The following NUP93 variants were observed in gnomAD, a reference collection of about 807,000 sequenced individuals.
NUP93 encodes nuclear pore complex protein Nup93.
A neutral mutation model predicts 107.8 loss-of-function variants in NUP93; 55 were observed. The observed-to-expected ratio is 0.51, with a 90% confidence interval of 0.41 to 0.64. The LOEUF is 0.64. Among genes scored for constraint, NUP93 ranks in the 30% least tolerant of loss-of-function variants. The pLI, the probability that NUP93 is intolerant of heterozygous loss-of-function variation, is 0.00. For synonymous variants in NUP93, 390 were observed against 397.5 expected, an observed-to-expected ratio of 0.98 and a Z score of 0.22; for missense variants, 937 against 1,044.7, an observed-to-expected ratio of 0.90 and a Z score of 1.42.
chr16:56,799,353 A>G (rs1962971428), intron 4 of NUP93, among the ~76,000 whole-genome samples: 1 of 152,246 alleles, frequency 6.6e-6, no homozygotes, highest in South Asian at 2.1e-4. Context: ...TATATGTGCA[A>G]CAATATTCTG....
At chr16:56,810,788 C>A (rs559880975) in intron 5 of NUP93, among the ~76,000 whole-genome samples, 1 of 102,250 alleles carries the variant, frequency 9.8e-6, no homozygotes, top group Non-Finnish European at 2.4e-5. Context: ...CAGAAATCCT[C>A]TTTGTGGTCC....
chr16:56,802,575 C>T (rs1294546107), intron 4 of NUP93, among the ~76,000 whole-genome samples: 1 of 34,186 alleles, frequency 2.9e-5, no homozygotes, highest in Admixed American at 4.0e-4. Context: ...CAACCTTCTT[C>T]CTAATCACGT....
At chr16:56,844,413 C>A (rs9938339) in intron 21 of NUP93, 86 bp from the exon 22 acceptor site, 2 of 736,138 alleles carry the variant, frequency 2.7e-6, no homozygotes, top group African/African-American at 1.8e-5. Context: ...GATGGAAGAA[C>A]ATGGAATAGA....
At chr16:56,792,866 C>G (rs1267334863) in intron 3 of NUP93, among the ~76,000 whole-genome samples, 4 of 152,158 alleles carry the variant, frequency 2.6e-5, no homozygotes, top group African/African-American at 9.7e-5. Context: ...GAGGTTTACT[C>G]TTCCCTAAGT....
chr16:56,740,695 A>C (rs1196308342), intron 1 of NUP93: 9 of 193,988 alleles, frequency 4.6e-5, no homozygotes, highest in Non-Finnish European at 1.1e-5. Flanking sequence ...TGTAGGTTGT[A>C]GTGAGCCGAG....
rs760589016 is a variant in NUP93 at position 56,849,101 on chromosome 16, A to G, written c.*4492A>G. The G allele has an allele frequency of 6.6e-6, 1 of 152,264 alleles. No individual in the cohort carries two copies. The highest frequency in any genetic ancestry group is 3.2e-3 in the Middle Eastern group (1 of 316). 9.4% of individuals were successfully genotyped at this position (152,264 alleles called of 1,614,324 possible). A position where few individuals can be genotyped will look rare whatever the true frequency, so the allele number is the denominator to read the frequency against. On this transcript the variant is annotated 3_prime_UTR_variant, in exon 22 of 22. Transcript: ENST00000308159. Reference sequence around the variant, plus strand: ...GTCCTCCTGTGCCAGGCTCCTCCCCACATCCTCTGGATCAGCTCCACGTGC... The same window carrying G: ...GTCCTCCTGTGCCAGGCTCCTCCCCGCATCCTCTGGATCAGCTCCACGTGC...
At chr16:56,788,146 A>C (rs1030058809) in intron 3 of NUP93, among the ~76,000 whole-genome samples, 2 of 152,138 alleles carry the variant, frequency 1.3e-5, no homozygotes, top group Non-Finnish European at 2.9e-5. Flanking sequence ...CAGCAGTCTG[A>C]CAGCAGTTGC....
At position 56,849,196 on chromosome 16, in the gene NUP93, G is replaced by A. The variant is rs1173184682; in HGVS notation, c.*4587G>A. The A allele has an allele frequency of 2.0e-5, 3 of 152,222 alleles. No homozygotes were observed. The highest frequency in any genetic ancestry group is 4.8e-5 in the African/African-American group (2 of 41,448). 9.4% of individuals were successfully genotyped at this position (152,222 alleles called of 1,614,324 possible). On this transcript the variant is annotated 3_prime_UTR_variant, in exon 22 of 22. Coordinates refer to ENST00000308159, the MANE Select transcript of NUP93 (RefSeq NM_014669.5). ...ATTCAGTCTGAAAGAAGGTGGAGGA[G>A]AATAATGTCTCCCAGGATCAAATGA... is the stretch of plus-strand genomic sequence containing the variant.
At chr16:56,834,860 A>C in intron 16 of NUP93, 82 bp downstream of exon 16, 1 of 1,156,886 alleles carries the variant, frequency 8.6e-7, no homozygotes, top group Admixed American at 2.0e-5. Flanking sequence ...AGATTTTAAG[A>C]TTCAAGGTAC....
chr16:56,841,644 A>G, intron 20 of NUP93, 61 bp from the exon 21 acceptor site: 2 of 1,594,212 alleles, frequency 1.3e-6, no homozygotes, highest in African/African-American at 1.3e-5. Context: ...CCCTCCCTCC[A>G]TCTGTGGTTG....
chr16:56,830,855 A>G (rs906292720), intron 10 of NUP93, among the ~76,000 whole-genome samples, 170 bp downstream of exon 10: 2 of 152,220 alleles, frequency 1.3e-5, no homozygotes, highest in East Asian at 1.9e-4. Context: ...GAGTGAAAAC[A>G]TTAAAAGAAT....
At chr16:56,732,589 C>T (rs1961552611) in intron 1 of NUP93, among the ~76,000 whole-genome samples, 1 of 152,176 alleles carries the variant, frequency 6.6e-6, no homozygotes, top group Non-Finnish European at 1.5e-5. Context: ...GCAGTGTGAA[C>T]AGCTGGAGAT....
chr16:56,833,428 G>A (rs1963842275), intron 13 of NUP93, 22 bp downstream of exon 13: 1 of 1,496,844 alleles, frequency 6.7e-7, no homozygotes, highest in African/African-American at 1.5e-5. Flanking sequence ...GGATTGGATT[G>A]ACAGTAATGT....
intron 2 of NUP93, among the ~76,000 whole-genome samples, chr16:56,756,131 T>A (rs1278954515): frequency 6.6e-6 from 1 of 152,096 alleles, no homozygotes; most frequent in African/African-American, 2.4e-5. Flanking sequence ...TTTTTTTTAA[T>A]TTTAAAATAT....
chr16:56,832,536 A>G, intron 12 of NUP93, 148 bp downstream of exon 12: 1 of 640,174 alleles, frequency 1.6e-6, no homozygotes. Flanking sequence ...CAACAAAACT[A>G]CCATTCCAAA....
intron 3 of NUP93, among the ~76,000 whole-genome samples, chr16:56,764,247 T>G (rs1289833889): frequency 6.6e-6 from 1 of 152,188 alleles, no homozygotes; most frequent in Non-Finnish European, 1.5e-5. Flanking sequence ...TCCCAGCACT[T>G]TGGGAGGCCG....
At chr16:56,770,518 C>T (rs1163196915) in intron 3 of NUP93, among the ~76,000 whole-genome samples, 5 of 152,058 alleles carry the variant, frequency 3.3e-5, no homozygotes, top group African/African-American at 7.2e-5. Flanking sequence ...AATTGACTTC[C>T]GCCACCCCCT....
intron 2 of NUP93, among the ~76,000 whole-genome samples, chr16:56,756,368 G>A (rs113952373): frequency 0.01 from 1,291 of 128,360 alleles, 18 homozygotes; most frequent in African/African-American, 0.036. Context: ...TGTTCAACTC[G>A]CACTTATGAG....
Position 56,833,466 on chromosome 16 carries a change from C to T in NUP93, c.1537+60C>T, listed in dbSNP as rs535954060. On this transcript the variant is annotated intron_variant, in intron 13 of 21. Coordinates refer to ENST00000308159, the MANE Select transcript of NUP93 (RefSeq NM_014669.5). ...CCACAGCACGTCCCCCTTGGGGCGA[C>T]GGTGGCCACAAAACCACAACCAATA... 50 of 1,371,318 alleles carry T rather than the reference C, an allele frequency of 3.6e-5. 1 individual carries two copies. The South Asian group carries it at 4.6e-4, about 13-fold the overall frequency. 84.9% of individuals were successfully genotyped at this position (1,371,318 alleles called of 1,614,324 possible). A position where few individuals can be genotyped will look rare whatever the true frequency, so the allele number is the denominator to read the frequency against.
Sources: gnomAD v4.1 joint callset for allele counts (sites outside exome capture counted in the v4.1 genomes callset) on GRCh38, gnomAD v4.1.1 for gene constraint, MANE v1.5 for transcripts, NCBI Gene and HGNC (gene_info 2026-07-23, HGNC 2026-07-21) for gene names.